Variants in TRA2B observed in about 807,000 individuals in gnomAD.
TRA2B encodes transformer 2 beta homolog.
In TRA2B, 14 loss-of-function variants were observed where a neutral mutation model predicts 41.7. The observed-to-expected ratio is 0.34, with a 90% confidence interval of 0.22 to 0.53. TRA2B has a LOEUF of 0.53. TRA2B is among the 20% of genes least tolerant of loss of function. TRA2B has a pLI of 0.95. For synonymous variants in TRA2B, 130 were observed against 128.8 expected (o/e 1.01, Z -0.06); for missense variants, 167 against 396.8 (o/e 0.42, Z 4.92).
chr3:185,925,655 G>C (rs773314516), intron 2 of TRA2B, 29 bp from the exon 3 acceptor site: 3 of 1,590,182 alleles, frequency 1.9e-6, no homozygotes, highest in Admixed American at 3.7e-5. Flanking sequence ...CTAAGGTTAT[G>C]ACTGAAAACA....
chr3:185,929,400 C>T (rs1001051295), intron 1 of TRA2B, among the ~76,000 whole-genome samples: 2 of 152,136 alleles, frequency 1.3e-5, no homozygotes, highest in African/African-American at 4.8e-5. Context: ...AAATTCCACT[C>T]TCAGGGCTGA....
intron 5 of TRA2B, 24 bp downstream of exon 5, chr3:185,921,987 T>G: frequency 6.4e-7 from 1 of 1,558,296 alleles, no homozygotes; most frequent in South Asian, 1.1e-5. Context: ...CTGCCAATTA[T>G]ATTTATTTTG....
chr3:185,934,079 A>G (rs1219288516), intron 1 of TRA2B, among the ~76,000 whole-genome samples: 2 of 152,170 alleles, frequency 1.3e-5, no homozygotes, highest in African/African-American at 4.8e-5. Context: ...GTTTAAAAAC[A>G]AGACTAAGTG....
intron 3 of TRA2B, 172 bp downstream of exon 3, chr3:185,925,292 C>G (rs991545034): frequency 1.4e-6 from 1 of 705,330 alleles, no homozygotes; most frequent in Admixed American, 3.2e-5. Flanking sequence ...AGCCCAAATG[C>G]AGACCCCGTC....
At chr3:185,936,445 A>T in intron 1 of TRA2B, 3 of 985,452 alleles carry the variant, frequency 3.0e-6, no homozygotes, top group Non-Finnish European at 3.6e-6. Flanking sequence ...TCATCCGAGT[A>T]TGTAAACGCA....
intron 1 of TRA2B, chr3:185,937,576 G>A (rs995723919): frequency 9.3e-6 from 6 of 643,490 alleles, no homozygotes; most frequent in East Asian, 1.4e-4. Context: ...CTCTTATAAC[G>A]GGAAAAACGG....
intron 1 of TRA2B, chr3:185,927,614 A>G (rs557079468): frequency 2.6e-5 from 4 of 152,324 alleles, no homozygotes; most frequent in South Asian, 2.1e-4. Context: ...CAAAAGCCAA[A>G]GTTTAGGTAA....
intron 1 of TRA2B, chr3:185,936,626 T>C (rs115459985): frequency 1.0e-6 from 1 of 985,202 alleles, no homozygotes; most frequent in African/African-American, 1.7e-5. Context: ...TAAATCATAT[T>C]CAGATCTTAA....
chr3:185,927,247 C>G (rs1052918526), intron 1 of TRA2B: 2 of 152,246 alleles, frequency 1.3e-5, no homozygotes, highest in African/African-American at 4.8e-5. Flanking sequence ...ATGATGATCT[C>G]AGTTTCAAAT....
intron 1 of TRA2B, chr3:185,934,626 A>G (rs1398736827): frequency 1.0e-6 from 1 of 985,294 alleles, no homozygotes; most frequent in African/African-American, 1.7e-5. Context: ...TTTAAAGGAA[A>G]TTTGGTGAGA....
chr3:185,937,952 C>T lies in TRA2B; in HGVS notation c.-92G>A, dbSNP rs1342308850. 2 of 1,517,034 alleles carry T rather than the reference C, an allele frequency of 1.3e-6. No homozygotes were observed. The highest frequency in any genetic ancestry group is 1.4e-5 in the African/African-American group (1 of 72,760). 94.0% of individuals were successfully genotyped at this position (1,517,034 alleles called of 1,614,324 possible). On this transcript the variant is annotated 5_prime_UTR_variant, in exon 1 of 9. It adds an upstream start codon to the 5' untranslated region. Coordinates refer to ENST00000453386, the MANE Select transcript of TRA2B (RefSeq NM_004593.3). ...AAGGAGGCTCCGCCGCAGCCCCGCACGACGCGCCGGTCGCCCAGCCGCTCA... is the reference window on the plus strand; with the variant it reads ...AAGGAGGCTCCGCCGCAGCCCCGCATGACGCGCCGGTCGCCCAGCCGCTCA...
intron 1 of TRA2B, among the ~76,000 whole-genome samples, chr3:185,930,229 T>C (rs1744099296): frequency 6.6e-6 from 1 of 152,182 alleles, no homozygotes; most frequent in South Asian, 2.1e-4. Context: ...TCAGGTTTCT[T>C]GATAAAAGAA....
rs1309837950 is a variant in TRA2B at position 185,914,971 on chromosome 3, T to C, written c.*2744A>G. Among the ~76,000 whole-genome samples, 1 of 152,184 alleles carries C rather than the reference T, an allele frequency of 6.6e-6. No homozygotes were observed. The highest frequency in any genetic ancestry group is 1.5e-5 in the Non-Finnish European group (1 of 68,034). On this transcript the variant is annotated 3_prime_UTR_variant, in exon 9 of 9. Transcript: ENST00000453386. Reference sequence around the variant, plus strand: ...TTTATCTTAAGGCATATATTCCTTATGTAGGGGCAACAATGTAAACATTGC... The same window carrying C: ...TTTATCTTAAGGCATATATTCCTTACGTAGGGGCAACAATGTAAACATTGC...
rs2150109374 is a variant in TRA2B at position 185,914,635 on chromosome 3, T to TAGC, written c.*3079_*3080insGCT. 1.3e-5 allele frequency among the ~76,000 whole-genome samples: 2 copies of TAGC among 152,216 alleles called. No individual in the cohort carries two copies. The highest frequency in any genetic ancestry group is 3.9e-4 in the East Asian group (2 of 5,180). On this transcript the variant is annotated 3_prime_UTR_variant, in exon 9 of 9. Coordinates refer to ENST00000453386, the MANE Select transcript of TRA2B (RefSeq NM_004593.3). ...TCCTTTACACTATATACAATAATCC[T>TAGC]TTACATTACTGTAGTAGCATTCTGG...
chr3:185,922,756 T>C (rs1015036062), intron 4 of TRA2B: 6 of 152,216 alleles, frequency 3.9e-5, no homozygotes, highest in African/African-American at 1.4e-4. Context: ...ATTAACAGCA[T>C]ACATTTAAAA....
Position 185,914,723 on chromosome 3 carries a change from C to T in TRA2B, c.*2992G>A, listed in dbSNP as rs563413121. Reference sequence around the variant, plus strand: ...CAATCCTACAAGAGCCAATCAAAATCCACTGAGATGGCATGCTGAAGGAAT... The same window carrying T: ...CAATCCTACAAGAGCCAATCAAAATTCACTGAGATGGCATGCTGAAGGAAT... On this transcript the variant is annotated 3_prime_UTR_variant, in exon 9 of 9. Transcript: ENST00000453386. Among the ~76,000 whole-genome samples the T allele has an allele frequency of 1.6e-4, 24 of 152,064 alleles. No individual in the cohort carries two copies. The highest frequency in any genetic ancestry group is 3.1e-4 in the Non-Finnish European group (21 of 68,030).
intron 1 of TRA2B, among the ~76,000 whole-genome samples, chr3:185,931,065 AAACT>A (rs1441356447): frequency 6.6e-6 from 1 of 152,252 alleles, no homozygotes; most frequent in Non-Finnish European, 1.5e-5. Flanking sequence ...CATATGGAAA[AAACT>A]AACACACTAA....
At chr3:185,922,775 T>A (rs1160707194) in intron 4 of TRA2B, 1 of 152,194 alleles carries the variant, frequency 6.6e-6, no homozygotes, top group Admixed American at 6.5e-5. Context: ...AAAATAAAAA[T>A]ACCCCGTTTC....
At chr3:185,937,409 C>G (rs1465480524) in intron 1 of TRA2B, 2 of 1,011,330 alleles carry the variant, frequency 2.0e-6, no homozygotes, top group Non-Finnish European at 2.4e-6. Flanking sequence ...TCCGCGTTGC[C>G]GCGCGGCTTC....
Sources: gnomAD v4.1 joint callset for allele counts (sites outside exome capture counted in the v4.1 genomes callset) on GRCh38, gnomAD v4.1.1 for gene constraint, MANE v1.5 for transcripts, NCBI Gene and HGNC (gene_info 2026-07-23, HGNC 2026-07-21) for gene names.